RBBP8NL: variants seen among roughly 807,000 people sequenced by gnomAD.
RBBP8NL encodes the protein RBBP8 N-terminal-like protein.
RBBP8NL carries 59 observed loss-of-function variants against 62.2 expected under a neutral mutation model. The ratio of observed to expected loss-of-function variants is 0.95; its 90% CI spans 0.77 to 1.18. The LOEUF (loss-of-function observed/expected upper bound fraction) is 1.18, where lower values mean the gene tolerates loss of function less well. Among genes scored for constraint, RBBP8NL ranks in the 50% most tolerant of loss-of-function variants. The pLI is 0.00. For synonymous variants in RBBP8NL, 412 were observed against 394.1 expected (o/e 1.05, Z -0.54); for missense variants, 896 against 899.5 (o/e 1.00, Z 0.05).
At position 62,416,867 on chromosome 20, in the gene RBBP8NL, C is replaced by G; in HGVS notation, c.206G>C (p.Arg69Pro). 6.4e-7 allele frequency: 1 copy of G among 1,558,928 alleles called. No individual in the cohort carries two copies. The highest frequency in any genetic ancestry group is 8.7e-7 in the Non-Finnish European group (1 of 1,152,638). Residue 69 changes from arginine (R) to proline (P), a missense_variant, in exon 5 of 14, where the codon CGG becomes CCG. By Grantham distance (103) the Arg-to-Pro change is moderately radical. Transcript: ENST00000252998. Reference protein sequence around the residue: ...ENLRVLENRLRAGLCDRCMVT... With the variant: ...ENLRVLENRLPAGLCDRCMVT... ...CATGCAGCGGTCGCACAGGCCGGCC[C>G]GCAGCCTGCAGGGATGGGGACGCAG...
At chr20:62,426,188 CGGCAGT>C (rs1216765069) in intron 1 of RBBP8NL, among the ~76,000 whole-genome samples, 1 of 149,572 alleles carries the variant, frequency 6.7e-6, no homozygotes, top group Admixed American at 6.6e-5. Context: ...GCAGCGGCAG[CGGCAGT>C]GGCAGTGGCA....
intron 13 of RBBP8NL, among the ~76,000 whole-genome samples, chr20:62,412,291 G>T (rs1230597342): frequency 2.0e-5 from 3 of 152,184 alleles, no homozygotes; most frequent in Non-Finnish European, 4.4e-5. Context: ...CAGGATGATG[G>T]TGGGGACAAT....
intron 1 of RBBP8NL, among the ~76,000 whole-genome samples, chr20:62,423,806 G>T (rs1367687804): frequency 1.3e-5 from 2 of 152,196 alleles, no homozygotes; most frequent in Non-Finnish European, 2.9e-5. Context: ...GAGGGAAGTT[G>T]CAAGCCTTGG....
At chr20:62,415,349 C>A in intron 8 of RBBP8NL, 62 bp from the exon 9 acceptor site, 1 of 1,505,318 alleles carries the variant, frequency 6.6e-7, no homozygotes, top group South Asian at 1.3e-5. Flanking sequence ...TGGCCTCTGC[C>A]ATAGCCTCTG....
intron 1 of RBBP8NL, among the ~76,000 whole-genome samples, chr20:62,425,970 G>T (rs1417056960): frequency 6.7e-6 from 1 of 149,120 alleles, no homozygotes; most frequent in Admixed American, 6.7e-5. Context: ...GCATAGCAGT[G>T]GCAGTGGCAG....
At chr20:62,411,256 C>T (rs1359598984) in intron 13 of RBBP8NL, among the ~76,000 whole-genome samples, 1 of 152,218 alleles carries the variant, frequency 6.6e-6, no homozygotes, top group Non-Finnish European at 1.5e-5. Context: ...CCCCAGTGGC[C>T]CCCTTCCTGC....
At chr20:62,414,846 C>A (rs952652323) in intron 9 of RBBP8NL, among the ~76,000 whole-genome samples, 1 of 152,184 alleles carries the variant, frequency 6.6e-6, no homozygotes, top group Non-Finnish European at 1.5e-5. Flanking sequence ...GGACATCGGC[C>A]CCCTGCTCCT....
At position 62,412,865 on chromosome 20, in the gene RBBP8NL, C is replaced by T. The variant is rs768351083; in HGVS notation, c.1711G>A (p.Asp571Asn). 4 of 1,613,500 alleles carry T rather than the reference C, an allele frequency of 2.5e-6. No homozygotes were observed. Among genetic ancestry groups the T allele is most frequent in the Admixed American group, 1.7e-5 (1 of 60,030 alleles). ...SKAEVLRPESDELDETDTPGS... is the reference protein window; with the variant it reads ...SKAEVLRPESNELDETDTPGS... ...GGGGTGTCTGTCTCATCCAGTTCGT[C>T]GGACTCTGGTCTCAGCACTTCAGCC... The change falls in exon 12 of 14, where the codon GAC becomes AAC. Residue 571 changes from aspartate to asparagine, a missense_variant. Asp to Asn is a conservative substitution (Grantham distance 23). Coordinates refer to ENST00000252998, the MANE Select transcript of RBBP8NL (RefSeq NM_080833.3).
At position 62,416,018 on chromosome 20, in the gene RBBP8NL, A is replaced by G. The variant is rs373999652; in HGVS notation, c.387-73T>C. The G allele has an allele frequency of 2.0e-6, 3 of 1,476,700 alleles. No homozygotes were observed. The African/African-American group carries it at 4.2e-5, about 21-fold the overall frequency. The allele number at this position is 1,476,700 out of a possible 1,614,324, so 91.5% of individuals were successfully genotyped here. A position where few individuals can be genotyped will look rare whatever the true frequency, so the allele number is the denominator to read the frequency against. On this transcript the variant is annotated intron_variant, in intron 6 of 13. Coordinates refer to ENST00000252998, the MANE Select transcript of RBBP8NL (RefSeq NM_080833.3). ...GGAGATGATCAGAAAAGCCGGGCCC[A>G]CTCCTGGGTGACCCCAGGTGACGCA...
chr20:62,414,664 T>C (rs918397235), intron 9 of RBBP8NL, 108 bp from the exon 10 acceptor site: 19 of 1,294,420 alleles, frequency 1.5e-5, no homozygotes, highest in Non-Finnish European at 1.9e-5. Flanking sequence ...GCGAGGAAAC[T>C]GAGGTCCAGA....
At chr20:62,413,277 G>C in intron 11 of RBBP8NL, 124 bp downstream of exon 11, 1 of 1,234,930 alleles carries the variant, frequency 8.1e-7, no homozygotes, top group African/African-American at 1.5e-5. Context: ...GGGTTGCCCC[G>C]TCAGATCGGC....
In RBBP8NL at chr20:62,412,606, G is replaced by T; in HGVS notation, c.1876+18C>A. 6.2e-7 allele frequency: 1 copy of T among 1,600,824 alleles called. No homozygotes were observed. The highest frequency in any genetic ancestry group is 8.5e-7 in the Non-Finnish European group (1 of 1,179,424). ...TCCCCTCGCCCCCTTCCCTGCACCTGCCCCATGCCAGCTGTACCTTTGTCC... is the reference window on the plus strand; with the variant it reads ...TCCCCTCGCCCCCTTCCCTGCACCTTCCCCATGCCAGCTGTACCTTTGTCC... On this transcript the variant is annotated intron_variant, in intron 13 of 13. Transcript: ENST00000252998.
At chr20:62,426,150 A>C (rs1407721309) in intron 1 of RBBP8NL, among the ~76,000 whole-genome samples, 1 of 151,512 alleles carries the variant, frequency 6.6e-6, no homozygotes, top group Non-Finnish European at 1.5e-5. Flanking sequence ...TAGCAGTAGC[A>C]GTGGCAGTGG....
intron 1 of RBBP8NL, among the ~76,000 whole-genome samples, chr20:62,426,060 A>G (rs961683869): frequency 7.3e-5 from 11 of 149,998 alleles, no homozygotes; most frequent in Admixed American, 7.3e-4. Context: ...TAGCAGTAGC[A>G]GTGGCAGTGG....
rs757549106 is a variant in RBBP8NL, at chr20:62,413,982, T to C, written c.1369A>G (p.Lys457Glu). ...WGRARGQDTP[K>E]PAGQHGSLSP... is the part of the protein sequence containing the mutation. ...AGTGACCCATGCTGGCCGGCCGGCT[T>C]GGGAGTGTCCTGGCCCCGGGCCCGG... is the stretch of plus-strand genomic sequence containing the variant. The change falls in exon 10 of 14, where the codon AAG (lysine) becomes GAG (glutamate). Residue 457 changes from lysine to glutamate, a missense_variant. By Grantham distance (56) the Lys-to-Glu change is moderately conservative. Coordinates refer to ENST00000252998, the MANE Select transcript of RBBP8NL (RefSeq NM_080833.3). The C allele has an allele frequency of 4.5e-6, 7 of 1,572,658 alleles. No homozygotes were observed. The highest frequency in any genetic ancestry group is 3.4e-4 in the Middle Eastern group (2 of 5,918).
chr20:62,410,815 C>T lies in RBBP8NL; in HGVS notation c.*63G>A. ...CTGCTGGTTGGATGGTGTGCCCTCT[C>T]CAGGCCCTGGTGGGCAGGTGGAGGG... On this transcript the variant is annotated 3_prime_UTR_variant, in exon 14 of 14. Coordinates refer to ENST00000252998, the MANE Select transcript of RBBP8NL (RefSeq NM_080833.3). The T allele has an allele frequency of 6.9e-6, 8 of 1,151,770 alleles. No homozygotes were observed. Among genetic ancestry groups the T allele is most frequent in the South Asian group, 5.2e-5 (4 of 76,376 alleles). The allele number at this position is 1,151,770 out of a possible 1,614,324, so 71.3% of individuals were successfully genotyped here.
rs1356624345 is a variant in RBBP8NL, at chr20:62,415,621, AT to A, written c.583del (p.Ile195SerfsTer15). On this transcript the variant is annotated frameshift_variant, in exon 8 of 14. Transcript: ENST00000252998. LOFTEE classifies it high-confidence loss of function. ...AGHRTSPVAK[I>X]SPGATLPESR... Reference sequence around the variant, plus strand: ...CTCAGGCAGGGTGGCCCCTGGGGAGATTTTGGCCACTGGAGATGTCCTGTGC... The same window carrying A: ...CTCAGGCAGGGTGGCCCCTGGGGAGATTTGGCCACTGGAGATGTCCTGTGC... 1.2e-6 allele frequency: 2 copies of A among 1,612,526 alleles called. No individual in the cohort carries two copies. The highest frequency in any genetic ancestry group is 1.3e-5 in the African/African-American group (1 of 74,804).
rs191235624 is a variant in RBBP8NL, at chr20:62,410,562, C to T, written c.*316G>A. ...TGTGGGAGGGGCCGCAGAGCATTTCCCAGGTGGGTGGAGACGGGGTGAATC... is the reference window on the plus strand; with the variant it reads ...TGTGGGAGGGGCCGCAGAGCATTTCTCAGGTGGGTGGAGACGGGGTGAATC... On this transcript the variant is annotated 3_prime_UTR_variant, in exon 14 of 14. Transcript: ENST00000252998. 79 of 390,518 alleles carry T rather than the reference C, an allele frequency of 2.0e-4. No individual in the cohort carries two copies. The East Asian group carries it at 3.2e-3, about 16-fold the overall frequency. 24.2% of individuals were successfully genotyped at this position (390,518 alleles called of 1,614,324 possible). A position where few individuals can be genotyped will look rare whatever the true frequency, so the allele number is the denominator to read the frequency against.
At chr20:62,413,194 G>C (rs796460242) in intron 11 of RBBP8NL, among the ~76,000 whole-genome samples, 30 of 152,390 alleles carry the variant, frequency 2.0e-4, no homozygotes, top group African/African-American at 7.0e-4. Context: ...ACTGAGTGTT[G>C]TTAGAGAGGC....
Sources: allele counts gnomAD v4.1 joint callset (sites outside exome capture counted in the v4.1 genomes callset), GRCh38; gene constraint gnomAD v4.1.1; transcripts MANE v1.5; gene names NCBI Gene and HGNC (gene_info 2026-07-23, HGNC 2026-07-21).